ERI1: variants seen among roughly 807,000 people sequenced by gnomAD.
ERI1 encodes exoribonuclease 1.
A neutral mutation model predicts 39.7 loss-of-function variants in ERI1; 39 were observed. That is an observed-to-expected ratio of 0.98 (90% confidence interval 0.76 to 1.28). The LOEUF is 1.28. ERI1 is among the 50% of genes most tolerant of loss of function. ERI1 has a pLI of 0.00. For missense variants in ERI1, 581 were observed against 416.9 expected (o/e 1.39, Z -3.43); for synonymous variants, 204 against 149.6 (o/e 1.36, Z -2.65).
chr8:9,062,515 T>C (rs2117401516), intron 3 of ERI1, among the ~76,000 whole-genome samples: 1 of 148,036 alleles, frequency 6.8e-6, no homozygotes, highest in Non-Finnish European at 1.5e-5. Flanking sequence ...TTTAGAAGCC[T>C]GGCTGTCAAT....
chr8:9,068,801 T>C (rs1268720443), intron 3 of ERI1, among the ~76,000 whole-genome samples: 3 of 152,130 alleles, frequency 2.0e-5, no homozygotes, highest in African/African-American at 7.2e-5. Flanking sequence ...ATTGGCACTG[T>C]TTTTAAATTT....
chr8:9,047,284 C>T (rs1798204717), intron 3 of ERI1, among the ~76,000 whole-genome samples: 1 of 152,160 alleles, frequency 6.6e-6, no homozygotes, highest in Non-Finnish European at 1.5e-5. Flanking sequence ...AGTTGGTGAG[C>T]TCAGCTAGTG....
chr8:9,092,396 C>G (rs1432707989), intron 3 of ERI1, among the ~76,000 whole-genome samples: 8 of 152,174 alleles, frequency 5.3e-5, no homozygotes, highest in Non-Finnish European at 8.8e-5. Flanking sequence ...CACACATGGC[C>G]TGTGGTCAGG....
At chr8:9,085,725 A>G (rs1364269023) in intron 3 of ERI1, among the ~76,000 whole-genome samples, 1 of 152,024 alleles carries the variant, frequency 6.6e-6, no homozygotes, top group Non-Finnish European at 1.5e-5. Flanking sequence ...GAGACAGTAA[A>G]AGTTAGAGGA....
chr8:9,074,551 C>G (rs1799148891), intron 3 of ERI1, among the ~76,000 whole-genome samples: 1 of 152,196 alleles, frequency 6.6e-6, no homozygotes, highest in African/African-American at 2.4e-5. Context: ...AAGCAATTCT[C>G]TGGCCTCAGT....
At chr8:9,027,471 T>A (rs1339910296) in intron 6 of ERI1, among the ~76,000 whole-genome samples, 1 of 152,182 alleles carries the variant, frequency 6.6e-6, no homozygotes, top group Admixed American at 6.5e-5. Flanking sequence ...TCTTTAGTAA[T>A]AAGGTTTTTA....
intron 3 of ERI1, among the ~76,000 whole-genome samples, chr8:9,073,798 C>T (rs1238086767): frequency 2.0e-5 from 3 of 152,154 alleles, no homozygotes; most frequent in South Asian, 2.1e-4. Flanking sequence ...TAAGGACTGA[C>T]ATGAAACTAC....
At chr8:9,065,070 G>T (rs1236131162) in intron 3 of ERI1, among the ~76,000 whole-genome samples, 1 of 152,156 alleles carries the variant, frequency 6.6e-6, no homozygotes, top group African/African-American at 2.4e-5. Flanking sequence ...AGTTAAGGCA[G>T]GAACAGGCCA....
intron 3 of ERI1, among the ~76,000 whole-genome samples, chr8:9,079,010 G>T (rs1461491272): frequency 6.6e-6 from 1 of 152,138 alleles, no homozygotes; most frequent in African/African-American, 2.4e-5. Flanking sequence ...AAGGGGTGTT[G>T]TCTTACCTGG....
rs61240251 is a variant in ERI1, at chr8:9,028,926, T to C, written c.808-866T>C. Among the ~76,000 whole-genome samples the C allele has an allele frequency of 4.9e-3, 744 of 150,978 alleles. 3 individuals carry two copies. The highest frequency in any genetic ancestry group is 0.016 in the African/African-American group (673 of 41,132). On this transcript the variant is annotated intron_variant, in intron 6 of 6. Transcript: ENST00000250263. ...GGCGTGAGCTACCACACCCAGCCAA[T>C]AATTCTTAAAAGTGGAGGCACATAT...
chr8:9,089,080 A>G (rs891267757), intron 3 of ERI1, among the ~76,000 whole-genome samples: 1 of 152,184 alleles, frequency 6.6e-6, no homozygotes, highest in Admixed American at 6.5e-5. Flanking sequence ...GTTATTCGCC[A>G]TCACTAAGGC....
intron 3 of ERI1, among the ~76,000 whole-genome samples, chr8:9,090,610 T>A (rs1224284631): frequency 2.0e-5 from 3 of 152,176 alleles, no homozygotes; most frequent in Non-Finnish European, 4.4e-5. Flanking sequence ...CGGTTAAAAG[T>A]TTAAATAGGA....
intron 4 of ERI1, 96 bp from the exon 5 acceptor site, chr8:9,018,200 AT>A (rs1817503302): frequency 3.3e-6 from 2 of 608,514 alleles, no homozygotes; most frequent in African/African-American, 3.7e-5. Flanking sequence ...AGCCTTTCTC[AT>A]ACTGTTTCTT....
At chr8:9,006,547 A>G (rs1207131933) in intron 1 of ERI1, among the ~76,000 whole-genome samples, 4 of 152,232 alleles carry the variant, frequency 2.6e-5, no homozygotes, top group African/African-American at 7.2e-5. Flanking sequence ...ATGACTAAAG[A>G]TGAAGTTTCA....
intron 3 of ERI1, among the ~76,000 whole-genome samples, chr8:9,095,930 G>A (rs1287717813): frequency 1.3e-5 from 2 of 152,132 alleles, no homozygotes; most frequent in Non-Finnish European, 2.9e-5. Flanking sequence ...GGGAGCCCTC[G>A]CCGCCTAGCT....
At chr8:9,096,777 C>G (rs1202751952) in intron 3 of ERI1, 4 of 122,786 alleles carry the variant, frequency 3.3e-5, no homozygotes, top group African/African-American at 1.2e-4. Flanking sequence ...GCTGGAATTG[C>G]ATGATCATGG....
At position 9,002,949 on chromosome 8, in the gene ERI1, C is replaced by A; in HGVS notation, c.-115C>A. The A allele has an allele frequency of 1.3e-6, 1 of 761,528 alleles. No individual in the cohort carries two copies. The highest frequency in any genetic ancestry group is 1.8e-6 in the Non-Finnish European group (1 of 557,136). The allele number at this position is 761,528 out of a possible 1,614,324, so 47.2% of individuals were successfully genotyped here. On this transcript the variant is annotated 5_prime_UTR_variant, in exon 1 of 7. Coordinates refer to ENST00000250263, the MANE Select transcript of ERI1 (RefSeq NM_153332.4). ...GCTGGAGTTTGTGTGGCCGCCGCCG[C>A]GGGAACGCGAGCCCGGTAATTTTTC...
At chr8:9,005,664 G>A (rs537250522) in intron 1 of ERI1, among the ~76,000 whole-genome samples, 3 of 147,170 alleles carry the variant, frequency 2.0e-5, no homozygotes, top group Non-Finnish European at 4.4e-5. Context: ...ACAGGCGCCC[G>A]CCCGGCTAAT....
chr8:9,023,542 C>G (rs1818145006), intron 6 of ERI1, among the ~76,000 whole-genome samples: 1 of 151,962 alleles, frequency 6.6e-6, no homozygotes, highest in South Asian at 2.1e-4. Flanking sequence ...ACAGTGGTTT[C>G]TCTTTGTGCA....
Sources: allele counts gnomAD v4.1 joint callset (sites outside exome capture counted in the v4.1 genomes callset), GRCh38; gene constraint gnomAD v4.1.1; transcripts MANE v1.5; gene names NCBI Gene and HGNC (gene_info 2026-07-23, HGNC 2026-07-21).